The following GDPD2 variants were observed in gnomAD, a reference collection of about 807,000 sequenced individuals.
The protein encoded by GDPD2 is glycerophosphodiester phosphodiesterase domain containing 2, also known as glycerophosphodiester phosphodiesterase 3.
GDPD2 carries 23 observed loss-of-function variants against 49.2 expected under a neutral mutation model. The ratio of observed to expected loss-of-function variants is 0.47; its 90% CI spans 0.34 to 0.66. The LOEUF (loss-of-function observed/expected upper bound fraction) is 0.66, where lower values mean the gene tolerates loss of function less well. Among genes scored for constraint, GDPD2 ranks in the 30% least tolerant of loss-of-function variants. GDPD2 has a pLI of 0.01. For synonymous variants in GDPD2, 167 were observed against 171.4 expected (o/e 0.97, Z 0.20); for missense variants, 338 against 424.7 (o/e 0.80, Z 1.79).
intron 12 of GDPD2, chrX:70,431,114 C>T (rs1602842414): frequency 8.7e-7 from 1 of 1,146,490 alleles, no homozygotes; most frequent in Non-Finnish European, 1.2e-6. Flanking sequence ...CATGAGCTAT[C>T]TCACCTAGCT....
intron 9 of GDPD2, 42 bp from the exon 10 acceptor site, chrX:70,427,271 C>A: frequency 8.3e-7 from 1 of 1,207,156 alleles, no homozygotes; most frequent in Non-Finnish European, 1.1e-6. Context: ...ACATGATGAC[C>A]AGCCCCAGAG....
chrX:70,431,546 T>C (rs1386499046), intron 12 of GDPD2, among the ~76,000 whole-genome samples: 1 of 112,687 alleles, frequency 8.9e-6, no homozygotes, highest in Non-Finnish European at 1.9e-5. Flanking sequence ...AATACAGGCA[T>C]AGTGCCCAGA....
chrX:70,425,828 T>C lies in GDPD2; in HGVS notation c.275T>C (p.Leu92Pro). 1 of 1,183,638 alleles carries C rather than the reference T, an allele frequency of 8.4e-7. No homozygotes were observed. The highest frequency in any genetic ancestry group is 1.1e-6 in the Non-Finnish European group (1 of 870,026). The change falls in exon 4 of 16, where the codon CTA (leucine) becomes CCA (proline). Residue 92 changes from leucine to proline, a missense_variant. By Grantham distance (98) the Leu-to-Pro change is moderately conservative. This residue lies in a region of GDPD2 where 10 missense variants were observed against 26.7 expected (regional missense o/e 0.37). Transcript: ENST00000374382. ...CTGGCATTCCTGCTGGTCATCTCTC[T>C]ACTGGTCACATATGCATCCTTGCTA... is the stretch of plus-strand genomic sequence containing the variant. ...WSLAFLLVISLLVTYASLLLV... is the reference protein window; with the variant it reads ...WSLAFLLVISPLVTYASLLLV...
intron 12 of GDPD2, among the ~76,000 whole-genome samples, chrX:70,431,497 G>A (rs181665183): frequency 3.5e-5 from 4 of 112,821 alleles, no homozygotes; most frequent in African/African-American, 1.3e-4. Context: ...TCAGTGGGAT[G>A]TAACATTGCC....
intron 12 of GDPD2, among the ~76,000 whole-genome samples, chrX:70,430,445 C>T (rs374538646): frequency 3.6e-5 from 4 of 111,658 alleles, no homozygotes; most frequent in African/African-American, 1.3e-4. Context: ...GAGGTGATAT[C>T]TAAGCTGAGA....
Position 70,425,018 on chromosome X carries a change from G to C in GDPD2, c.34G>C (p.Ala12Pro), listed in dbSNP as rs1015621800. The C allele has an allele frequency of 1.7e-6, 2 of 1,199,612 alleles. No homozygotes were observed. The highest frequency in any genetic ancestry group is 4.7e-4 in the Middle Eastern group (2 of 4,291). The change falls in exon 2 of 16, where the codon GCC (alanine) becomes CCC (proline). Residue 12 changes from alanine (A) to proline (P), a missense_variant. Transcript: ENST00000374382. ...GTCCCCCGGCTGCTGCTCCGTCTGG[G>C]CCCGCTGCCTCCACTGCCTGTATAG... ...AESPGCCSVW[A>P]RCLHCLYSCH...
Position 70,425,011 on chromosome X carries a change from C to T in GDPD2, c.27C>T (p.Ser9=). 1 of 1,196,996 alleles carries T rather than the reference C, an allele frequency of 8.4e-7. No homozygotes were observed. The highest frequency in any genetic ancestry group is 2.3e-4 in the Middle Eastern group (1 of 4,272). MAESPGCC[S]VWARCLHCLY... ...TGGCCGAGTCCCCCGGCTGCTGCTC[C>T]GTCTGGGCCCGCTGCCTCCACTGCC... The change falls in exon 2 of 16, where the codon TCC becomes TCT. Residue 9 remains serine, a synonymous_variant. Transcript: ENST00000374382.
intron 14 of GDPD2, 102 bp from the exon 15 acceptor site, chrX:70,432,810 G>A: frequency 1.3e-6 from 1 of 760,145 alleles, no homozygotes; most frequent in Non-Finnish European, 2.0e-6. Flanking sequence ...CTATCAAATT[G>A]GCTTGAATGT....
chrX:70,429,518 C>T lies in GDPD2; in HGVS notation c.962C>T (p.Pro321Leu), dbSNP rs149119501. 23 of 1,203,532 alleles carry T rather than the reference C, an allele frequency of 1.9e-5. No individual in the cohort carries two copies. Among genetic ancestry groups the T allele is most frequent in the African/African-American group, 7.0e-5 (4 of 57,011 alleles). ...AGGCGACCCTTCTGGGGGGCCAAAC[C>T]GCTGGCAGGCCCTGATCAGAAAGAG... ...LERRPFWGAK[P>L]LAGPDQKEAE... The change falls in exon 11 of 16, where the codon CCG (proline) becomes CTG (leucine). Residue 321 changes from proline (P) to leucine (L), a missense_variant. By Grantham distance (98) the Pro-to-Leu change is moderately conservative. Transcript: ENST00000374382.
At position 70,427,192 on chromosome X, in the gene GDPD2, C is replaced by T. The variant is rs1946788661; in HGVS notation, c.758C>T (p.Thr253Ile). The change falls in exon 9 of 16, where the codon ACT (threonine) becomes ATT (isoleucine). Residue 253 changes from threonine to isoleucine, a missense_variant. Physicochemically the swap from Thr to Ile is moderately conservative, Grantham distance 89. Transcript: ENST00000374382. The part of the protein sequence containing the change: ...SLRKTAECGA[T>I]VFETDVMVSS... ...CGGAAGACAGCTGAATGCGGAGCTA[C>T]TGTGTTTGAGACTGATGTGATGGTC... 2 of 1,207,424 alleles carry T rather than the reference C, an allele frequency of 1.7e-6. No homozygotes were observed. Among genetic ancestry groups the T allele is most frequent in the Non-Finnish European group, 2.2e-6 (2 of 891,753 alleles).
rs757772848 is a variant in GDPD2, at chrX:70,427,247, T to TG, written c.785+34dup. The TG allele has an allele frequency of 9.4e-5, 112 of 1,197,595 alleles. 1 individual carries two copies. The East Asian group carries it at 2.5e-3, about 27-fold the overall frequency. ...GAGGGAAGCTGGGGCTTAGGGGATC[T>TG]GGGGGGCTGAAGGACATGATGACCA... is the stretch of plus-strand genomic sequence containing the variant. On this transcript the variant is annotated intron_variant, in intron 9 of 15. Transcript: ENST00000374382.
intron 12 of GDPD2, among the ~76,000 whole-genome samples, chrX:70,430,353 A>G (rs758488910): frequency 5.3e-5 from 6 of 112,171 alleles, no homozygotes; most frequent in Non-Finnish European, 1.1e-4. Flanking sequence ...CAAAACAGAG[A>G]GATGTAGAAG....
intron 12 of GDPD2, chrX:70,430,848 C>G (rs967772059): frequency 6.3e-6 from 2 of 319,915 alleles, no homozygotes; most frequent in Non-Finnish European, 5.4e-6. Flanking sequence ...TGTCACCAAG[C>G]CTGTAGTGCA....
rs148118616 is a variant in GDPD2, at chrX:70,429,993, G to C, written c.1237G>C (p.Gly413Arg). The change falls in exon 12 of 16, where the codon GGA becomes CGA. Residue 413 changes from glycine to arginine, a missense_variant. By Grantham distance (125) the Gly-to-Arg change is moderately radical (BLOSUM62 -2). This residue lies in a region of GDPD2 where 253 missense variants were observed against 330.4 expected (regional missense o/e 0.77). Coordinates refer to ENST00000374382, the MANE Select transcript of GDPD2 (RefSeq NM_017711.4). Reference sequence around the variant, plus strand: ...AATGCGCCAGATATATGGACGTCAGGGAGGCAACAGAACGGAGAGGCCCCA... The same window carrying C: ...AATGCGCCAGATATATGGACGTCAGCGAGGCAACAGAACGGAGAGGCCCCA... ...PGMRQIYGRQ[G>R]GNRTERPQFL... 29 of 1,208,339 alleles carry C rather than the reference G, an allele frequency of 2.4e-5. No homozygotes were observed. The African/African-American group carries it at 4.2e-4, about 17-fold the overall frequency.
At chrX:70,426,167 T>G (rs1602833693) in intron 5 of GDPD2, 56 bp downstream of exon 5, 1 of 1,034,606 alleles carries the variant, frequency 9.7e-7, no homozygotes, top group East Asian at 3.0e-5. Flanking sequence ...AGCACTTGGC[T>G]GGCTATTTGC....
intron 14 of GDPD2, 62 bp downstream of exon 14, chrX:70,432,723 C>A (rs1602844831): frequency 2.3e-6 from 2 of 851,987 alleles, no homozygotes; most frequent in Non-Finnish European, 3.5e-6. Flanking sequence ...GGTGATGAGG[C>A]TGCTTCAGAC....
Position 70,425,441 on chromosome X carries a change from C to T in GDPD2, c.193C>T (p.Leu65=), listed in dbSNP as rs748385620. The change falls in exon 3 of 16, where the codon CTG becomes TTG. Residue 65 remains leucine, a synonymous_variant. Coordinates refer to ENST00000374382, the MANE Select transcript of GDPD2 (RefSeq NM_017711.4). The part of the protein sequence containing the change: ...LYIGLVLLND[L]HNFNEFLFRR... ...CATCGGGCTCGTCCTTCTCAATGAC[C>T]TGCACAACTTCAATGAGTGTGTCAT... 1 of 1,164,358 alleles carries T rather than the reference C, an allele frequency of 8.6e-7. No homozygotes were observed. The highest frequency in any genetic ancestry group is 2.2e-5 in the Admixed American group (1 of 45,991).
rs1175354530 is a variant in GDPD2 at position 70,429,968 on chromosome X, A to T, written c.1212A>T (p.Gly404=). Residue 404 remains glycine (G), a synonymous_variant, in exon 12 of 16, where the codon GGA becomes GGT. Transcript: ENST00000374382. The part of the protein sequence containing the change: ...DRANVQRRAP[G]MRQIYGRQGG... ...CTAATGTCCAACGACGGGCACCTGG[A>T]ATGCGCCAGATATATGGACGTCAGG... 8.3e-7 allele frequency: 1 copy of T among 1,209,365 alleles called. No individual in the cohort carries two copies. The highest frequency in any genetic ancestry group is 1.1e-6 in the Non-Finnish European group (1 of 893,157).
chrX:70,432,938 C>G lies in GDPD2; in HGVS notation c.1565C>G (p.Thr522Ser). 1.7e-6 allele frequency: 2 copies of G among 1,191,072 alleles called. No individual in the cohort carries two copies. Among genetic ancestry groups the G allele is most frequent in the East Asian group, 3.0e-5 (1 of 33,767 alleles). The change falls in exon 15 of 16, where the codon ACT becomes AGT. Residue 522 changes from threonine to serine, a missense_variant and splice_region_variant. Transcript: ENST00000374382. ...QRRFVKKRGKTGLETAVLLTR... is the reference protein window; with the variant it reads ...QRRFVKKRGKSGLETAVLLTR... ...AGATTTGTTAAGAAGAGAGGGAAAA[C>G]TGGTAAGAACTTTCTCCCCTCACCT...
Sources: allele counts gnomAD v4.1 joint callset (sites outside exome capture counted in the v4.1 genomes callset), GRCh38; gene constraint gnomAD v4.1.1; regional missense constraint gnomAD v4.1.1; transcripts MANE v1.5; gene names NCBI Gene and HGNC (gene_info 2026-07-23, HGNC 2026-07-21).